CD300LB: variants seen among roughly 807,000 people sequenced by gnomAD.
The protein encoded by CD300LB is CD300 molecule like family member b, also known as CMRF35-like molecule 7.
In CD300LB, 18 loss-of-function variants were observed where a neutral mutation model predicts 20.8. The ratio of observed to expected loss-of-function variants is 0.87; its 90% CI spans 0.60 to 1.28. CD300LB has a LOEUF of 1.28. CD300LB is among the 50% of genes most tolerant of loss of function. The pLI, the probability that CD300LB is intolerant of heterozygous loss-of-function variation, is 0.00. For missense variants in CD300LB, 222 were observed against 251.8 expected (o/e 0.88, Z 0.80); for synonymous variants, 91 against 91.3 (o/e 1.00, Z 0.02).
chr17:74,529,198 G>C (rs1023928697), intron 1 of CD300LB, among the ~76,000 whole-genome samples: 25 of 152,098 alleles, frequency 1.6e-4, no homozygotes, highest in Admixed American at 6.6e-5. Context: ...GACATTTGGG[G>C]TTTGCTCTGT....
rs988746517 is a variant in CD300LB, at chr17:74,522,308, A to G, written c.*430T>C. The G allele has an allele frequency of 3.0e-6, 3 of 987,938 alleles. No individual in the cohort carries two copies. The highest frequency in any genetic ancestry group is 1.7e-5 in the African/African-American group (1 of 57,322). 61.2% of individuals were successfully genotyped at this position (987,938 alleles called of 1,614,324 possible). A position where few individuals can be genotyped will look rare whatever the true frequency, so the allele number is the denominator to read the frequency against. On this transcript the variant is annotated 3_prime_UTR_variant, in exon 4 of 4. Transcript: ENST00000392621. ...TAAAACCCAACTTTGCTAGAAAAAA[A>G]AAAATTTAAAAACACGGATATATCA...
At chr17:74,529,457 TCTC>T (rs964068158) in intron 1 of CD300LB, among the ~76,000 whole-genome samples, 5 of 152,204 alleles carry the variant, frequency 3.3e-5, no homozygotes, top group East Asian at 1.9e-4. Context: ...ACTGAGACTG[TCTC>T]CTCCTCCTCA....
At position 74,522,301 on chromosome 17, in the gene CD300LB, G is replaced by GAA; in HGVS notation, c.*435_*436dup. On this transcript the variant is annotated 3_prime_UTR_variant, in exon 4 of 4. Coordinates refer to ENST00000392621, the MANE Select transcript of CD300LB (RefSeq NM_174892.4). ...AAGTCATTAAAACCCAACTTTGCTA[G>GAA]AAAAAAAAAAATTTAAAAACACGGA... 1.2e-6 allele frequency: 1 copy of GAA among 865,268 alleles called. No homozygotes were observed. Among genetic ancestry groups the GAA allele is most frequent in the South Asian group, 5.2e-5 (1 of 19,232 alleles). The allele number at this position is 865,268 out of a possible 1,614,324, so 53.6% of individuals were successfully genotyped here.
chr17:74,525,130 G>A (rs1339123580), intron 2 of CD300LB, among the ~76,000 whole-genome samples: 1 of 152,176 alleles, frequency 6.6e-6, no homozygotes, highest in East Asian at 1.9e-4. Flanking sequence ...GCAGCAGGAT[G>A]ACCCCAGAGT....
At position 74,522,782 on chromosome 17, in the gene CD300LB, A is replaced by C; in HGVS notation, c.562T>G (p.Tyr188Asp). The change falls in exon 4 of 4, where the codon TAC becomes GAC. Residue 188 changes from tyrosine (Y) to aspartate (D), a missense_variant. Transcript: ENST00000392621. ...VPEEPGEQPIYMNFSEPLTKD... is the reference protein window; with the variant it reads ...VPEEPGEQPIDMNFSEPLTKD... ...GTCAGAGGTTCGGAGAAGTTCATGT[A>C]GATAGGCTGTTCCCCTGGCTCCTCA... is the stretch of plus-strand genomic sequence containing the variant. 1.2e-6 allele frequency: 2 copies of C among 1,614,196 alleles called. No homozygotes were observed. The highest frequency in any genetic ancestry group is 1.7e-6 in the Non-Finnish European group (2 of 1,180,016).
rs765802456 is a variant in CD300LB, at chr17:74,523,691, T to A, written c.371-40A>T. 8 of 1,437,690 alleles carry A rather than the reference T, an allele frequency of 5.6e-6. No individual in the cohort carries two copies. In the South Asian group the frequency reaches 8.0e-5, roughly 14 times the overall value. The allele number at this position is 1,437,690 out of a possible 1,614,324, so 89.1% of individuals were successfully genotyped here. On this transcript the variant is annotated intron_variant, in intron 2 of 3. Coordinates refer to ENST00000392621, the MANE Select transcript of CD300LB (RefSeq NM_174892.4). ...AGTCAGCCATGGGTTATTAGCACAG[T>A]TGGGAGCTCATGCATGGGTCACAAA...
At position 74,530,593 on chromosome 17, in the gene CD300LB, C is replaced by CACACACA. The variant is rs1568001209; in HGVS notation, c.40+717_40+718insTGTGTGT. Among the ~76,000 whole-genome samples the CACACACA allele has an allele frequency of 2.3e-5, 3 of 127,920 alleles. No homozygotes were observed. In the East Asian group the frequency reaches 7.6e-4, roughly 32 times the overall value. 83.9% of individuals were successfully genotyped at this position (127,920 alleles called of 152,430 possible). A position where few individuals can be genotyped will look rare whatever the true frequency, so the allele number is the denominator to read the frequency against. The stretch of plus-strand genomic sequence containing the variant: ...CACACACACACACACACACACACAC[C>CACACACA]CAACTCTCTAGAGTGTTCTCCTCTC... On this transcript the variant is annotated intron_variant, in intron 1 of 3. Coordinates refer to ENST00000392621, the MANE Select transcript of CD300LB (RefSeq NM_174892.4).
chr17:74,525,446 G>A (rs1451775663), intron 2 of CD300LB, among the ~76,000 whole-genome samples: 2 of 152,074 alleles, frequency 1.3e-5, no homozygotes, highest in East Asian at 1.9e-4. Flanking sequence ...TCATGAGCAG[G>A]GCTGGGCCAC....
At chr17:74,527,018 C>G (rs1237211832) in intron 1 of CD300LB, among the ~76,000 whole-genome samples, 5 of 152,210 alleles carry the variant, frequency 3.3e-5, no homozygotes, top group Non-Finnish European at 7.3e-5. Context: ...CTCAGACTCC[C>G]CTTAGCTAGC....
chr17:74,527,702 T>TG (rs35103649), intron 1 of CD300LB, among the ~76,000 whole-genome samples: 80,570 of 152,018 alleles, frequency 0.53, 21,926 homozygotes, highest in Middle Eastern at 0.68. Flanking sequence ...GGTCTGTTGC[T>TG]GCTTTGAAGT....
chr17:74,525,956 G>A lies in CD300LB; in HGVS notation c.162C>T (p.Arg54=), dbSNP rs750343010. 24 of 1,613,942 alleles carry A rather than the reference G, an allele frequency of 1.5e-5. No individual in the cohort carries two copies. In the Admixed American group the frequency reaches 4.0e-4, roughly 27 times the overall value. ...CAATGAGGATCTTGCATGTATCCCAGCGCACCCCTCGGCACCACCACTTAA... is the reference window on the plus strand; with the variant it reads ...CAATGAGGATCTTGCATGTATCCCAACGCACCCCTCGGCACCACCACTTAA... ...TYIKWWCRGV[R]WDTCKILIET... The change falls in exon 2 of 4, where the codon CGC becomes CGT. Residue 54 remains arginine, a synonymous_variant. Coordinates refer to ENST00000392621, the MANE Select transcript of CD300LB (RefSeq NM_174892.4).
intron 1 of CD300LB, among the ~76,000 whole-genome samples, chr17:74,527,155 T>C (rs777511158): frequency 9.2e-5 from 14 of 152,232 alleles, no homozygotes; most frequent in Non-Finnish European, 1.8e-4. Context: ...CAATTGGATG[T>C]GGCAAGAGTA....
Position 74,525,893 on chromosome 17 carries a change from A to C in CD300LB, c.225T>G (p.Arg75=), listed in dbSNP as rs1298715034. 1.2e-6 allele frequency: 2 copies of C among 1,614,050 alleles called. No homozygotes were observed. Among genetic ancestry groups the C allele is most frequent in the Non-Finnish European group, 1.7e-6 (2 of 1,180,002 alleles). The change falls in exon 2 of 4, where the codon CGT becomes CGG. Residue 75 remains arginine (R), a synonymous_variant. Coordinates refer to ENST00000392621, the MANE Select transcript of CD300LB (RefSeq NM_174892.4). ...RGSEQGEKSD[R]VSIKDNQKDR... is the part of the protein sequence containing the mutation. ...CTTTCTGATTGTCCTTGATGGACAC[A>C]CGGTCACTCTTCTCTCCTTGCTCCG...
At chr17:74,528,961 G>A in intron 1 of CD300LB, among the ~76,000 whole-genome samples, 1 of 151,850 alleles carries the variant, frequency 6.6e-6, no homozygotes, top group East Asian at 1.9e-4. Flanking sequence ...GTGAAACCCT[G>A]TGTCTGCAAA....
chr17:74,526,268 C>T (rs185158295), intron 1 of CD300LB, among the ~76,000 whole-genome samples, 191 bp from the exon 2 acceptor site: 14 of 152,318 alleles, frequency 9.2e-5, no homozygotes, highest in Middle Eastern at 3.4e-3. Context: ...GATTCCTCAT[C>T]CCCATCTCCC....
At chr17:74,528,184 T>C (rs1908092716) in intron 1 of CD300LB, among the ~76,000 whole-genome samples, 1 of 152,064 alleles carries the variant, frequency 6.6e-6, no homozygotes, top group South Asian at 2.1e-4. Flanking sequence ...TATTATAATA[T>C]AATAGTAATA....
intron 1 of CD300LB, among the ~76,000 whole-genome samples, chr17:74,527,361 C>A (rs113790122): frequency 0.057 from 8,757 of 152,320 alleles, 773 homozygotes; most frequent in African/African-American, 0.19. Flanking sequence ...TGTCTCTTGG[C>A]CTCAGAGCTT....
intron 3 of CD300LB, 37 bp downstream of exon 3, chr17:74,523,542 C>A: frequency 6.8e-7 from 1 of 1,474,150 alleles, no homozygotes; most frequent in South Asian, 1.1e-5. Flanking sequence ...TAGGAGGGAC[C>A]CCAGGTAGGG....
chr17:74,523,828 CACAG>C (rs1225680319), intron 2 of CD300LB, among the ~76,000 whole-genome samples, 177 bp from the exon 3 acceptor site: 3 of 152,168 alleles, frequency 2.0e-5, no homozygotes, highest in Non-Finnish European at 4.4e-5. Context: ...AATCTCAACA[CACAG>C]ACATTTTTCC....
Sources: gnomAD v4.1 joint callset for allele counts (sites outside exome capture counted in the v4.1 genomes callset) on GRCh38, gnomAD v4.1.1 for gene constraint, MANE v1.5 for transcripts, NCBI Gene and HGNC (gene_info 2026-07-23, HGNC 2026-07-21) for gene names.